FARSB: variants seen among roughly 807,000 people sequenced by gnomAD.
FARSB encodes phenylalanyl-tRNA synthetase subunit beta.
FARSB carries 40 observed loss-of-function variants against 69.6 expected under a neutral mutation model. That is an observed-to-expected ratio of 0.57 (90% CI 0.45 to 0.75). The LOEUF (loss-of-function observed/expected upper bound fraction) is 0.75, where lower values mean the gene tolerates loss of function less well. Ranked by LOEUF, FARSB falls within the 30% of genes least tolerant of loss-of-function variation. The probability of loss-of-function intolerance (pLI) is 0.00; values close to 1 mark genes in which losing one functional copy is unlikely to be tolerated. For synonymous variants in FARSB, 235 were observed against 247.2 expected, an observed-to-expected ratio of 0.95 and a Z score of 0.46; for missense variants, 632 against 722.9, an observed-to-expected ratio of 0.87 and a Z score of 1.44.
At chr2:222,639,148 G>C (rs768464404) in intron 5 of FARSB, among the ~76,000 whole-genome samples, 111 of 152,118 alleles carry the variant, frequency 7.3e-4, no homozygotes, top group Non-Finnish European at 3.4e-4. Context: ...CACTCAAAAA[G>C]TGAGAATAAG....
At chr2:222,652,123 C>T (rs1208496667) in intron 1 of FARSB, among the ~76,000 whole-genome samples, 1 of 152,108 alleles carries the variant, frequency 6.6e-6, no homozygotes, top group Non-Finnish European at 1.5e-5. Flanking sequence ...AATGGTCTCT[C>T]GAGTCTCTCA....
chr2:222,624,335 A>G lies in FARSB; in HGVS notation c.1107T>C (p.Ala369=). 5 of 1,612,812 alleles carry G rather than the reference A, an allele frequency of 3.1e-6. No individual in the cohort carries two copies. Among genetic ancestry groups the G allele is most frequent in the Non-Finnish European group, 2.5e-6 (3 of 1,178,944 alleles). The change falls in exon 12 of 17, where the codon GCT becomes GCC. Residue 369 remains alanine (A), a synonymous_variant. Coordinates refer to ENST00000281828, the MANE Select transcript of FARSB (RefSeq NM_005687.5). ...GAATGTTGTTATATCCATAAGCAAT[A>G]GCTGCATCTTCTACAATATCACATG... ...IHACDIVEDA[A]IAYGYNNIQM...
chr2:222,619,498 AT>A, intron 14 of FARSB, 146 bp downstream of exon 14: 1 of 559,544 alleles, frequency 1.8e-6, no homozygotes, highest in Non-Finnish European at 3.2e-6. Flanking sequence ...AAAGCACGTA[AT>A]AACCAACTAT....
intron 10 of FARSB, among the ~76,000 whole-genome samples, chr2:222,627,319 G>C (rs938459239): frequency 2.6e-5 from 4 of 152,196 alleles, no homozygotes; most frequent in African/African-American, 9.6e-5. Context: ...ATGCTCTCTT[G>C]CTGCTAGGAA....
At chr2:222,573,895 A>G (rs1689773953) in intron 16 of FARSB, among the ~76,000 whole-genome samples, 1 of 152,210 alleles carries the variant, frequency 6.6e-6, no homozygotes, top group African/African-American at 2.4e-5. Context: ...GTTTGACACC[A>G]GTCTATTTTT....
intron 5 of FARSB, 64 bp downstream of exon 5, chr2:222,639,516 G>C (rs576426400): frequency 4.5e-6 from 3 of 669,048 alleles, no homozygotes; most frequent in Non-Finnish European, 7.9e-6. Context: ...GATCAGGATG[G>C]AAAGGAGATA....
intron 16 of FARSB, among the ~76,000 whole-genome samples, chr2:222,580,687 A>G (rs1240571878): frequency 2.0e-5 from 3 of 152,158 alleles, no homozygotes; most frequent in African/African-American, 7.2e-5. Flanking sequence ...TGCCTTTAAA[A>G]AAAAATTCCA....
chr2:222,630,297 TAAGA>T, intron 8 of FARSB, 123 bp from the exon 9 acceptor site: 1 of 542,330 alleles, frequency 1.8e-6, no homozygotes, highest in Non-Finnish European at 3.2e-6. Context: ...GTATACATTT[TAAGA>T]AAGGAAGTGG....
At chr2:222,597,039 A>C (rs1690436689) in intron 16 of FARSB, among the ~76,000 whole-genome samples, 1 of 152,180 alleles carries the variant, frequency 6.6e-6, no homozygotes, top group Non-Finnish European at 1.5e-5. Context: ...TGGTTCTTGC[A>C]GAAAGCACCC....
chr2:222,578,473 T>C (rs1689888042), intron 16 of FARSB, among the ~76,000 whole-genome samples: 1 of 152,366 alleles, frequency 6.6e-6, no homozygotes, highest in Admixed American at 6.5e-5. Context: ...AGTGCAAACA[T>C]AACTTTAAAC....
intron 15 of FARSB, among the ~76,000 whole-genome samples, chr2:222,608,557 A>C (rs1201657365): frequency 6.6e-6 from 1 of 152,212 alleles, no homozygotes; most frequent in African/African-American, 2.4e-5. Context: ...TTGGTGGTCA[A>C]GGGAGGAGAA....
intron 13 of FARSB, among the ~76,000 whole-genome samples, chr2:222,620,605 T>G (rs1489692417): frequency 6.6e-6 from 1 of 152,174 alleles, no homozygotes; most frequent in Non-Finnish European, 1.5e-5. Context: ...TGGCACAGAG[T>G]AAGCACTCAA....
At chr2:222,633,817 C>T (rs889845356) in intron 6 of FARSB, among the ~76,000 whole-genome samples, 2 of 151,838 alleles carry the variant, frequency 1.3e-5, no homozygotes, top group African/African-American at 2.4e-5. Flanking sequence ...ACAATTGAAT[C>T]ATTTCTCAAG....
intron 2 of FARSB, among the ~76,000 whole-genome samples, chr2:222,645,288 T>C (rs1691820293): frequency 6.6e-6 from 1 of 152,140 alleles, no homozygotes; most frequent in African/African-American, 2.4e-5. Context: ...TCAAATAATC[T>C]AACATCCAGT....
intron 1 of FARSB, among the ~76,000 whole-genome samples, chr2:222,651,116 T>G (rs1478507943): frequency 6.6e-6 from 1 of 152,132 alleles, no homozygotes. Flanking sequence ...TTGGTAAGGA[T>G]GCAGGTGAGG....
chr2:222,625,210 G>A (rs576804631), intron 10 of FARSB, among the ~76,000 whole-genome samples: 1 of 152,308 alleles, frequency 6.6e-6, no homozygotes, highest in South Asian at 2.1e-4. Flanking sequence ...AGAGCATGAT[G>A]AAGATATTCC....
intron 15 of FARSB, among the ~76,000 whole-genome samples, chr2:222,602,882 T>A (rs569318048): frequency 9.8e-5 from 15 of 152,300 alleles, no homozygotes; most frequent in African/African-American, 3.6e-4. Context: ...TTATCATTTA[T>A]GTTTTGTGCT....
intron 10 of FARSB, among the ~76,000 whole-genome samples, chr2:222,625,721 C>A (rs1691252026): frequency 6.6e-6 from 1 of 152,146 alleles, no homozygotes; most frequent in African/African-American, 2.4e-5. Flanking sequence ...TTATTATGAG[C>A]TGAACAGTAC....
chr2:222,574,237 T>A (rs74637830), intron 16 of FARSB, among the ~76,000 whole-genome samples: 1 of 152,194 alleles, frequency 6.6e-6, no homozygotes, highest in African/African-American at 2.4e-5. Context: ...GGGATCAAAC[T>A]TTGCTTTAGC....
Sources: allele counts gnomAD v4.1 joint callset (sites outside exome capture counted in the v4.1 genomes callset), GRCh38; gene constraint gnomAD v4.1.1; transcripts MANE v1.5; gene names NCBI Gene and HGNC (gene_info 2026-07-23, HGNC 2026-07-21).